Variants in UBAC2 observed in about 807,000 individuals in gnomAD.
UBAC2 encodes the protein ubiquitin-associated domain-containing protein 2.
Under a neutral mutation model 44.0 loss-of-function variants are expected in UBAC2, and 26 were observed. The observed-to-expected ratio is 0.59, with a 90% CI of 0.43 to 0.82. The LOEUF (loss-of-function observed/expected upper bound fraction) is 0.82, where lower values mean the gene tolerates loss of function less well. Ranked by LOEUF, UBAC2 falls within the 40% of genes least tolerant of loss-of-function variation. UBAC2 has a pLI of 0.00. For synonymous variants in UBAC2, 155 were observed against 154.3 expected, an observed-to-expected ratio of 1.00 and a Z score of -0.04; for missense variants, 329 against 419.4, an observed-to-expected ratio of 0.78 and a Z score of 1.88.
chr13:99,296,210 C>CT, intron 4 of UBAC2: 3 of 1,446,694 alleles, frequency 2.1e-6, no homozygotes, highest in Non-Finnish European at 1.8e-6. Context: ...CATATGTATT[C>CT]AGTTTGATTA....
chr13:99,259,708 T>G (rs2043628845), intron 4 of UBAC2, among the ~76,000 whole-genome samples: 1 of 152,248 alleles, frequency 6.6e-6, no homozygotes, highest in African/African-American at 2.4e-5. Context: ...ATGTTTCAGC[T>G]GGACAGAAAT....
intron 1 of UBAC2, among the ~76,000 whole-genome samples, chr13:99,230,156 G>C (rs549361087): frequency 6.6e-6 from 1 of 152,060 alleles, no homozygotes; most frequent in Admixed American, 6.6e-5. Context: ...TATCACAAAC[G>C]TGGTGGTTTA....
intron 1 of UBAC2, among the ~76,000 whole-genome samples, chr13:99,204,363 TG>T (rs1332540152): frequency 3.9e-5 from 6 of 152,064 alleles, no homozygotes; most frequent in Non-Finnish European, 8.8e-5. Flanking sequence ...AGAAGGCCTC[TG>T]GGAGGGACAG....
Position 99,314,212 on chromosome 13 carries a change from G to A in UBAC2, c.505G>A (p.Gly169Arg), listed in dbSNP as rs2044454174. ...AAACAAGACATTGATTTATATATTG[G>A]GACTGCAGGTACAGTATGCATTTTT... ...ITNKTLIYIL[G>R]LQLFTSGSYI... The change falls in exon 5 of 9, where the codon GGA (glycine) becomes AGA (arginine). Residue 169 changes from glycine to arginine, a missense_variant. Transcript: ENST00000403766. 2 of 1,610,728 alleles carry A rather than the reference G, an allele frequency of 1.2e-6. No individual in the cohort carries two copies. Among genetic ancestry groups the A allele is most frequent in the Non-Finnish European group, 1.7e-6 (2 of 1,179,028 alleles).
intron 1 of UBAC2, among the ~76,000 whole-genome samples, chr13:99,227,353 C>T (rs573541193): frequency 5.3e-5 from 8 of 152,350 alleles, no homozygotes; most frequent in African/African-American, 1.9e-4. Flanking sequence ...GTCCACTCCA[C>T]ACTGTCGTCA....
chr13:99,345,109 C>G (rs534221202), intron 7 of UBAC2, among the ~76,000 whole-genome samples: 1 of 152,094 alleles, frequency 6.6e-6, no homozygotes, highest in Non-Finnish European at 1.5e-5. Context: ...GAGGAGAGGA[C>G]CAGCAAGAGT....
intron 7 of UBAC2, 51 bp from the exon 8 acceptor site, chr13:99,367,733 TATG>T (rs547658098): frequency 1.2e-6 from 2 of 1,611,600 alleles, no homozygotes; most frequent in East Asian, 2.2e-5. Context: ...TTCCAAGCAT[TATG>T]ATGATTCTGC....
chr13:99,330,061 A>G (rs2044693149), intron 6 of UBAC2, among the ~76,000 whole-genome samples: 1 of 152,194 alleles, frequency 6.6e-6, no homozygotes, highest in Non-Finnish European at 1.5e-5. Context: ...GGTCTTGCAC[A>G]TCTTTCATTA....
At chr13:99,251,690 GAATA>G (rs2043460118) in intron 4 of UBAC2, among the ~76,000 whole-genome samples, 1 of 152,044 alleles carries the variant, frequency 6.6e-6, no homozygotes, top group African/African-American at 2.4e-5. Flanking sequence ...AGGCAGTCTG[GAATA>G]GTGGAAATAG....
intron 7 of UBAC2, among the ~76,000 whole-genome samples, chr13:99,366,512 G>A (rs538012274): frequency 6.6e-6 from 1 of 152,298 alleles, no homozygotes; most frequent in South Asian, 2.1e-4. Context: ...CTGAGACCAT[G>A]AATATAACAA....
At chr13:99,330,401 G>A (rs966085836) in intron 6 of UBAC2, among the ~76,000 whole-genome samples, 7 of 125,338 alleles carry the variant, frequency 5.6e-5, no homozygotes, top group African/African-American at 2.1e-4. Flanking sequence ...CGAGGTTGTA[G>A]TGAGCTGAGA....
intron 1 of UBAC2, among the ~76,000 whole-genome samples, chr13:99,230,493 A>G (rs2043160031): frequency 6.6e-6 from 1 of 152,078 alleles, no homozygotes; most frequent in African/African-American, 2.4e-5. Context: ...AAATAAAACA[A>G]AATAAATTTA....
chr13:99,343,144 G>A (rs758472213), intron 7 of UBAC2, among the ~76,000 whole-genome samples: 5 of 152,232 alleles, frequency 3.3e-5, no homozygotes, highest in Non-Finnish European at 2.9e-5. Context: ...CCAGATGCCC[G>A]TGTCCATCTG....
intron 6 of UBAC2, among the ~76,000 whole-genome samples, chr13:99,334,397 A>G (rs2044757983): frequency 6.6e-6 from 1 of 152,174 alleles, no homozygotes; most frequent in Admixed American, 6.5e-5. Flanking sequence ...CTTTAAGCAA[A>G]ACATCATTCA....
chr13:99,267,217 T>C (rs773059850), intron 4 of UBAC2, among the ~76,000 whole-genome samples: 1 of 152,242 alleles, frequency 6.6e-6, no homozygotes, highest in Non-Finnish European at 1.5e-5. Flanking sequence ...CATTTGTTAA[T>C]CTTTCTTGGT....
intron 7 of UBAC2, chr13:99,356,167 G>T: frequency 1.9e-6 from 1 of 534,706 alleles, no homozygotes; most frequent in Non-Finnish European, 3.8e-6. Flanking sequence ...GGGCTGTTGG[G>T]TTGCATCCTA....
At chr13:99,305,804 G>A (rs1163466780) in intron 4 of UBAC2, among the ~76,000 whole-genome samples, 4 of 152,186 alleles carry the variant, frequency 2.6e-5, no homozygotes, top group Non-Finnish European at 4.4e-5. Context: ...AACCCGCAGA[G>A]AGAAAACATG....
chr13:99,368,036 C>T, intron 8 of UBAC2, 130 bp downstream of exon 8: 1 of 1,076,490 alleles, frequency 9.3e-7, no homozygotes, highest in Non-Finnish European at 1.3e-6. Flanking sequence ...CATCTGCCAC[C>T]ATGATAGAGA....
At chr13:99,351,159 A>G (rs946561264) in intron 7 of UBAC2, among the ~76,000 whole-genome samples, 17 of 152,232 alleles carry the variant, frequency 1.1e-4, no homozygotes, top group African/African-American at 4.1e-4. Context: ...AAAAAATTAT[A>G]CAAAATTACC....
Sources: allele counts gnomAD v4.1 joint callset (sites outside exome capture counted in the v4.1 genomes callset), GRCh38; gene constraint gnomAD v4.1.1; transcripts MANE v1.5; gene names NCBI Gene and HGNC (gene_info 2026-07-23, HGNC 2026-07-21).